The following PRUNE2 variants were observed in gnomAD, a reference collection of about 807,000 sequenced individuals.
The protein encoded by PRUNE2 is prune homolog 2 with BCH domain, also known as protein prune homolog 2.
Under a neutral mutation model 252.0 loss-of-function variants are expected in PRUNE2, and 164 were observed. The ratio of observed to expected loss-of-function variants is 0.65; its 90% CI spans 0.57 to 0.74. PRUNE2 has a LOEUF of 0.74. PRUNE2 is among the 30% of genes least tolerant of loss of function. PRUNE2 has a pLI of 0.00. For synonymous variants in PRUNE2, 1,292 were observed against 1,350.2 expected, an observed-to-expected ratio of 0.96 and a Z score of 0.94; for missense variants, 3,495 against 3,711.0, an observed-to-expected ratio of 0.94 and a Z score of 1.51.
intron 14 of PRUNE2, among the ~76,000 whole-genome samples, chr9:76,637,009 G>GTATGTA (rs1840451212): frequency 6.7e-6 from 1 of 150,288 alleles, no homozygotes; most frequent in African/African-American, 2.5e-5. Flanking sequence ...GTGTGTGTGT[G>GTATGTA]TATAATTTTA....
chr9:76,874,750 A>G (rs1275217784), intron 1 of PRUNE2, among the ~76,000 whole-genome samples: 2 of 152,158 alleles, frequency 1.3e-5, no homozygotes, highest in African/African-American at 4.8e-5. Context: ...TCAGAACCAG[A>G]GCATGAGAGA....
rs374551641 is a variant in PRUNE2 at position 76,904,416 on chromosome 9, GATAA to G, written c.36+1508_36+1511del. The stretch of plus-strand genomic sequence containing the variant: ...TCTAAATGTTTATTGTGAAAATATT[GATAA>G]ATAAATGTTATGGGAGTGAAAAACA... On this transcript the variant is annotated intron_variant, in intron 1 of 18. Coordinates refer to ENST00000376718, the MANE Select transcript of PRUNE2 (RefSeq NM_015225.3). Among the ~76,000 whole-genome samples, 199 of 152,222 alleles carry G rather than the reference GATAA, an allele frequency of 1.3e-3. 1 individual carries two copies. Among genetic ancestry groups the G allele is most frequent in the African/African-American group, 4.6e-3 (190 of 41,526 alleles).
At chr9:76,768,319 A>G (rs537188807) in intron 6 of PRUNE2, among the ~76,000 whole-genome samples, 1 of 152,176 alleles carries the variant, frequency 6.6e-6, no homozygotes, top group Middle Eastern at 3.4e-3. Flanking sequence ...CAGCCTCCCA[A>G]GTAGCTGGGA....
At chr9:76,837,441 A>AAATATTAT (rs147526426) in intron 4 of PRUNE2, among the ~76,000 whole-genome samples, 59 of 134,830 alleles carry the variant, frequency 4.4e-4, no homozygotes, top group East Asian at 9.7e-4. Context: ...ACTCTGTCTC[A>AAATATTAT]AATAATAATA....
In PRUNE2 at chr9:76,695,909, GA is replaced by G. The variant is rs937395975; in HGVS notation, c.8276+7427del. ...AGTAAATAGAAGATCTTTTCAGATGGAAAAAAAAAAGTAGTAGCAATAAAAT... is the reference window on the plus strand; with the variant it reads ...AGTAAATAGAAGATCTTTTCAGATGGAAAAAAAAAGTAGTAGCAATAAAAT... On this transcript the variant is annotated intron_variant, in intron 9 of 18. Coordinates refer to ENST00000376718, the MANE Select transcript of PRUNE2 (RefSeq NM_015225.3). Among the ~76,000 whole-genome samples, 182 of 148,556 alleles carry G rather than the reference GA, an allele frequency of 1.2e-3. 1 individual carries two copies. Among genetic ancestry groups the G allele is most frequent in the South Asian group, 4.1e-3 (19 of 4,652 alleles).
In PRUNE2 at chr9:76,751,079, A is replaced by T. The variant is rs992286195; in HGVS notation, c.757-37358T>A. On this transcript the variant is annotated intron_variant, in intron 6 of 18. Transcript: ENST00000376718. ...TTGGCTCAACATATTAGCCCACCTA[A>T]ATCTAGACCCGTAACATACGCATAA... 5.3e-5 allele frequency among the ~76,000 whole-genome samples: 8 copies of T among 152,190 alleles called. No individual in the cohort carries two copies. The South Asian group carries it at 1.7e-3, about 31-fold the overall frequency.
chr9:76,877,624 C>T lies in PRUNE2; in HGVS notation c.37-23416G>A, dbSNP rs541838604. ...AATCAGACTACCCAAAAGTGATCCCCCCAGCTGCTGAATATCTCTTGAGGT... is the reference window on the plus strand; with the variant it reads ...AATCAGACTACCCAAAAGTGATCCCTCCAGCTGCTGAATATCTCTTGAGGT... On this transcript the variant is annotated intron_variant, in intron 1 of 18. Transcript: ENST00000376718. 3.9e-4 allele frequency among the ~76,000 whole-genome samples: 60 copies of T among 152,280 alleles called. No individual in the cohort carries two copies. The South Asian group carries it at 0.012, about 30-fold the overall frequency.
intron 9 of PRUNE2, among the ~76,000 whole-genome samples, chr9:76,682,094 A>T (rs1157271676): frequency 6.6e-6 from 1 of 152,186 alleles, no homozygotes; most frequent in East Asian, 1.9e-4. Flanking sequence ...AGTGAAGGCG[A>T]TAAAAATGTT....
intron 9 of PRUNE2, among the ~76,000 whole-genome samples, chr9:76,679,600 G>A (rs567927539): frequency 6.6e-6 from 1 of 152,240 alleles, no homozygotes; most frequent in East Asian, 1.9e-4. Context: ...AAGCTGCAGT[G>A]AGCTATGATT....
chr9:76,845,516 C>A (rs1564424882), intron 4 of PRUNE2, among the ~76,000 whole-genome samples: 1 of 152,112 alleles, frequency 6.6e-6, no homozygotes, highest in Non-Finnish European at 1.5e-5. Flanking sequence ...ACATTCATTG[C>A]CAGGAAAATA....
At chr9:76,828,200 T>C (rs1314139953) in intron 4 of PRUNE2, among the ~76,000 whole-genome samples, 1 of 152,136 alleles carries the variant, frequency 6.6e-6, no homozygotes, top group African/African-American at 2.4e-5. Flanking sequence ...GCTTGAAGGA[T>C]AACTAGGGAC....
intron 6 of PRUNE2, chr9:76,738,959 G>C (rs2049321134): frequency 6.6e-6 from 1 of 152,162 alleles, no homozygotes; most frequent in Non-Finnish European, 1.5e-5. Flanking sequence ...CCCTTTGAAA[G>C]ACTTTGAAAT....
At chr9:76,830,904 C>T (rs574209816) in intron 4 of PRUNE2, among the ~76,000 whole-genome samples, 13 of 151,452 alleles carry the variant, frequency 8.6e-5, no homozygotes, top group African/African-American at 2.7e-4. Flanking sequence ...AATTGCCCAT[C>T]TAGAATTCCA....
Position 76,888,929 on chromosome 9 carries a change from G to A in PRUNE2, c.36+16999C>T, listed in dbSNP as rs369458384. ...ATGATCTCCACTCACTTCAACCTCC[G>A]CCTCCCAGGTTCAAGCGATTCTCCT... On this transcript the variant is annotated intron_variant, in intron 1 of 18. Coordinates refer to ENST00000376718, the MANE Select transcript of PRUNE2 (RefSeq NM_015225.3). Among the ~76,000 whole-genome samples, 282 of 152,036 alleles carry A rather than the reference G, an allele frequency of 1.9e-3. 3 individuals carry two copies. The highest frequency in any genetic ancestry group is 6.7e-3 in the African/African-American group (277 of 41,472).
chr9:76,881,080 T>G (rs935265836), intron 1 of PRUNE2, among the ~76,000 whole-genome samples: 12 of 152,078 alleles, frequency 7.9e-5, no homozygotes, highest in Non-Finnish European at 1.6e-4. Context: ...CGATTTTTCT[T>G]CTTCAGCCTC....
intron 15 of PRUNE2, among the ~76,000 whole-genome samples, chr9:76,630,002 T>G (rs1159710625): frequency 6.6e-6 from 1 of 152,176 alleles, no homozygotes; most frequent in Non-Finnish European, 1.5e-5. Context: ...TCACCATTAG[T>G]AAATGGCAGA....
intron 17 of PRUNE2, among the ~76,000 whole-genome samples, chr9:76,621,141 G>T (rs915253645): frequency 7.9e-5 from 12 of 151,776 alleles, no homozygotes; most frequent in Admixed American, 6.5e-4. Context: ...GATAGGTTTT[G>T]TTCCCTGACC....
intron 9 of PRUNE2, among the ~76,000 whole-genome samples, chr9:76,697,971 A>T (rs781275850): frequency 2.6e-4 from 39 of 152,174 alleles, no homozygotes; most frequent in Non-Finnish European, 5.0e-4. Context: ...GGTGGAGGGC[A>T]TGACAGAGAG....
At chr9:76,742,269 T>C (rs559411186) in intron 6 of PRUNE2, among the ~76,000 whole-genome samples, 2 of 152,288 alleles carry the variant, frequency 1.3e-5, no homozygotes, top group Admixed American at 6.5e-5. Flanking sequence ...GCAGTACTTA[T>C]GATAAACAAA....
Sources: gnomAD v4.1 joint callset for allele counts (sites outside exome capture counted in the v4.1 genomes callset) on GRCh38, gnomAD v4.1.1 for gene constraint, MANE v1.5 for transcripts, NCBI Gene and HGNC (gene_info 2026-07-23, HGNC 2026-07-21) for gene names.